Variants in PRTFDC1 observed in about 807,000 individuals in gnomAD.
PRTFDC1 encodes phosphoribosyltransferase domain-containing protein 1.
PRTFDC1 carries 38 observed loss-of-function variants against 34.6 expected under a neutral mutation model. The ratio of observed to expected loss-of-function variants is 1.10; its 90% CI spans 0.85 to 1.44. The LOEUF (loss-of-function observed/expected upper bound fraction) is 1.44, where lower values mean the gene tolerates loss of function less well. Among genes scored for constraint, PRTFDC1 ranks in the 40% most tolerant of loss-of-function variants. PRTFDC1 has a pLI of 0.00. For synonymous variants in PRTFDC1, 93 were observed against 98.1 expected (o/e 0.95, Z 0.31); for missense variants, 270 against 283.0 (o/e 0.95, Z 0.33).
intron 6 of PRTFDC1, among the ~76,000 whole-genome samples, chr10:24,856,579 C>G (rs939643591): frequency 6.6e-6 from 1 of 152,110 alleles, no homozygotes; most frequent in Admixed American, 6.5e-5. Flanking sequence ...GGCAACAGAG[C>G]AAGACTCTGT....
intron 3 of PRTFDC1, among the ~76,000 whole-genome samples, chr10:24,927,770 T>C (rs532922531): frequency 6.6e-6 from 1 of 151,968 alleles, no homozygotes; most frequent in East Asian, 1.9e-4. Context: ...TTAGTAGAGG[T>C]GAGGTTTCAC....
chr10:24,921,529 C>T (rs1848787932), intron 3 of PRTFDC1, among the ~76,000 whole-genome samples: 1 of 152,042 alleles, frequency 6.6e-6, no homozygotes, highest in Non-Finnish European at 1.5e-5. Context: ...AAAAGTACTG[C>T]TGACTCATCA....
rs1338213878 is a variant in PRTFDC1, at chr10:24,952,458, TA to T, written c.48+69del. 2.0e-6 allele frequency: 3 copies of T among 1,494,772 alleles called. No homozygotes were observed. Among genetic ancestry groups the T allele is most frequent in the Non-Finnish European group, 2.7e-6 (3 of 1,096,426 alleles). 92.6% of individuals were successfully genotyped at this position (1,494,772 alleles called of 1,614,324 possible). On this transcript the variant is annotated intron_variant, in intron 1 of 8. Transcript: ENST00000320152. This position sits in a 1 kb window ranked among gnomAD's most constrained non-coding sequence, Gnocchi z 5.1. The stretch of plus-strand genomic sequence containing the variant: ...TCTCCCCCGACGCACGGCAAGCATT[TA>T]ATCTACAAGCAGGGTGCCAGGGAGG...
At chr10:24,939,959 T>C (rs10828728) in intron 2 of PRTFDC1, among the ~76,000 whole-genome samples, 67,381 of 151,906 alleles carry the variant, frequency 0.44, 15,309 homozygotes, top group Middle Eastern at 0.57. Context: ...GTGAGGAATA[T>C]GCAGGGATAA....
intron 3 of PRTFDC1, among the ~76,000 whole-genome samples, chr10:24,926,138 A>G (rs1479894062): frequency 1.3e-5 from 2 of 152,118 alleles, no homozygotes; most frequent in African/African-American, 4.8e-5. Context: ...CCTAGTTTGG[A>G]TGTCACTTCT....
At chr10:24,870,257 A>T (rs1329801727) in intron 4 of PRTFDC1, among the ~76,000 whole-genome samples, 2 of 152,066 alleles carry the variant, frequency 1.3e-5, no homozygotes, top group East Asian at 3.8e-4. Context: ...ACAGGTGTGC[A>T]CCACCATGCC....
intron 3 of PRTFDC1, among the ~76,000 whole-genome samples, chr10:24,923,042 C>T (rs1021250605): frequency 7.2e-5 from 11 of 152,268 alleles, no homozygotes; most frequent in Non-Finnish European, 1.5e-4. Flanking sequence ...GCCTTGCTCA[C>T]TGCTAGCACA....
intron 3 of PRTFDC1, among the ~76,000 whole-genome samples, chr10:24,919,207 A>G (rs1848743269): frequency 1.3e-5 from 2 of 152,222 alleles, no homozygotes; most frequent in African/African-American, 4.8e-5. Flanking sequence ...AGGATATATT[A>G]GAAATAAGTC....
intron 3 of PRTFDC1, among the ~76,000 whole-genome samples, chr10:24,912,231 T>G (rs189060793): frequency 8.6e-6 from 1 of 116,658 alleles, no homozygotes; most frequent in East Asian, 2.8e-4. Context: ...ATCAGGCCAT[T>G]GCATTTCAGC....
chr10:24,879,729 G>A lies in PRTFDC1; in HGVS notation c.340-7666C>T, dbSNP rs528764727. Among the ~76,000 whole-genome samples, 51 of 152,280 alleles carry A rather than the reference G, an allele frequency of 3.3e-4. No homozygotes were observed. In the Middle Eastern group the frequency reaches 0.01, roughly 30 times the overall value. The stretch of plus-strand genomic sequence containing the variant: ...CCCAAAAGTTTGAAAACTATTAAGT[G>A]GGTGCAAAAGTAACTGTCGTTTTTG... On this transcript the variant is annotated intron_variant, in intron 3 of 8. Coordinates refer to ENST00000320152, the MANE Select transcript of PRTFDC1 (RefSeq NM_020200.7).
At chr10:24,924,277 C>T (rs1359410870) in intron 3 of PRTFDC1, among the ~76,000 whole-genome samples, 1 of 152,168 alleles carries the variant, frequency 6.6e-6, no homozygotes, top group Non-Finnish European at 1.5e-5. Context: ...GGCAGGCCAA[C>T]ATTCAAATTC....
chr10:24,900,686 ACAAAC>A (rs748951058), intron 3 of PRTFDC1, among the ~76,000 whole-genome samples: 12 of 152,244 alleles, frequency 7.9e-5, no homozygotes, highest in African/African-American at 1.7e-4. Context: ...AAAACATTCT[ACAAAC>A]CAAATCAACA....
At chr10:24,870,166 C>G (rs1377941409) in intron 4 of PRTFDC1, among the ~76,000 whole-genome samples, 1 of 152,142 alleles carries the variant, frequency 6.6e-6, no homozygotes, top group Non-Finnish European at 1.5e-5. Flanking sequence ...CTGGAGTGCA[C>G]TGGTGCCATC....
chr10:24,903,842 T>TTTATTA (rs57243977), intron 3 of PRTFDC1, among the ~76,000 whole-genome samples: 4 of 150,322 alleles, frequency 2.7e-5, no homozygotes, highest in East Asian at 2.0e-4. Flanking sequence ...ACCCAGCTAA[T>TTTATTA]TTATTATTAT....
chr10:24,853,075 C>A lies in PRTFDC1; in HGVS notation c.554-1611G>T, dbSNP rs569689566. Among the ~76,000 whole-genome samples the A allele has an allele frequency of 2.6e-5, 4 of 151,876 alleles. No individual in the cohort carries two copies. In the South Asian group the frequency reaches 8.3e-4, roughly 32 times the overall value. ...AAGAGTAAGAGAGGAGAAGCAAGAG[C>A]AGAAGAGGTCAGAAGTTACATTGAG... On this transcript the variant is annotated intron_variant, in intron 7 of 8. Transcript: ENST00000320152.
intron 3 of PRTFDC1, among the ~76,000 whole-genome samples, chr10:24,903,189 G>A (rs151012042): frequency 9.3e-4 from 142 of 152,236 alleles, no homozygotes; most frequent in African/African-American, 3.3e-3. Flanking sequence ...CTGGGTGACA[G>A]GAGTGAAACT....
chr10:24,899,197 C>T (rs904221171), intron 3 of PRTFDC1, among the ~76,000 whole-genome samples: 1 of 152,134 alleles, frequency 6.6e-6, no homozygotes, highest in Non-Finnish European at 1.5e-5. Flanking sequence ...GGAATACCAC[C>T]GTTGGGGCAA....
chr10:24,915,676 T>C (rs533408235), intron 3 of PRTFDC1, among the ~76,000 whole-genome samples: 7 of 152,236 alleles, frequency 4.6e-5, no homozygotes, highest in African/African-American at 1.7e-4. Context: ...TCTTCTTACT[T>C]GTTCTATTAA....
chr10:24,870,360 G>A (rs541255537), intron 4 of PRTFDC1, among the ~76,000 whole-genome samples: 5 of 152,234 alleles, frequency 3.3e-5, no homozygotes, highest in South Asian at 2.1e-4. Flanking sequence ...TGCCCATCTC[G>A]GCCTCTGAAA....
Sources: allele counts gnomAD v4.1 joint callset (sites outside exome capture counted in the v4.1 genomes callset), GRCh38; gene constraint gnomAD v4.1.1; non-coding constraint Gnocchi (gnomAD v3.1); transcripts MANE v1.5; gene names NCBI Gene and HGNC (gene_info 2026-07-23, HGNC 2026-07-21).